The following TRIM44 variants were observed in gnomAD, a reference collection of about 807,000 sequenced individuals.
TRIM44 encodes tripartite motif-containing protein 44.
A neutral mutation model predicts 37.4 loss-of-function variants in TRIM44; 13 were observed. That is an observed-to-expected ratio of 0.35 (90% confidence interval 0.23 to 0.55). The LOEUF (loss-of-function observed/expected upper bound fraction) is 0.55, where lower values mean the gene tolerates loss of function less well. Among genes scored for constraint, TRIM44 ranks in the 20% least tolerant of loss-of-function variants. The pLI, the probability that TRIM44 is intolerant of heterozygous loss-of-function variation, is 0.89. For synonymous variants in TRIM44, 175 were observed against 157.2 expected, an observed-to-expected ratio of 1.11 and a Z score of -0.85; for missense variants, 426 against 437.2, an observed-to-expected ratio of 0.97 and a Z score of 0.23.
At chr11:35,676,905 T>C (rs2135486547) in intron 1 of TRIM44, among the ~76,000 whole-genome samples, 1 of 152,356 alleles carries the variant, frequency 6.6e-6, no homozygotes, top group South Asian at 2.1e-4. Flanking sequence ...TGTTTTTGTC[T>C]GTTTTTGAAT....
In TRIM44 at chr11:35,807,541, C is replaced by G. The variant is rs1270614935; in HGVS notation, c.*1156C>G. The G allele has an allele frequency of 6.6e-6, 1 of 152,256 alleles. No individual in the cohort carries two copies. The highest frequency in any genetic ancestry group is 1.5e-5 in the Non-Finnish European group (1 of 68,006). The allele number at this position is 152,256 out of a possible 1,614,324, so 9.4% of individuals were successfully genotyped here. ...TCTACTTCCAAATCACAATTTCTTA[C>G]AACCAAGCTTTGTGCTCCCGAGTAA... On this transcript the variant is annotated 3_prime_UTR_variant, in exon 5 of 5. Coordinates refer to ENST00000299413, the MANE Select transcript of TRIM44 (RefSeq NM_017583.6).
chr11:35,784,670 G>A (rs1238332253), intron 4 of TRIM44, among the ~76,000 whole-genome samples: 1 of 152,096 alleles, frequency 6.6e-6, no homozygotes. Flanking sequence ...TAGATTAAGG[G>A]GTTTGGAAAT....
intron 1 of TRIM44, among the ~76,000 whole-genome samples, chr11:35,677,571 A>G (rs1371589471): frequency 6.6e-6 from 1 of 152,136 alleles, no homozygotes; most frequent in Non-Finnish European, 1.5e-5. Flanking sequence ...CTTTCTGCAT[A>G]TTCTTTCATT....
chr11:35,759,573 G>C (rs989344907), intron 4 of TRIM44, among the ~76,000 whole-genome samples: 1 of 152,144 alleles, frequency 6.6e-6, no homozygotes, highest in Admixed American at 6.5e-5. Context: ...GATGAGAGGC[G>C]CTCTGATTTT....
intron 4 of TRIM44, among the ~76,000 whole-genome samples, chr11:35,798,192 CT>C (rs1456471285): frequency 6.6e-6 from 1 of 152,194 alleles, no homozygotes; most frequent in Non-Finnish European, 1.5e-5. Context: ...TTCTGATTAG[CT>C]TTCCACTGAA....
At position 35,764,183 on chromosome 11, in the gene TRIM44, C is replaced by CTT. The variant is rs151319487; in HGVS notation, c.1007+28740_1007+28741dup. On this transcript the variant is annotated intron_variant, in intron 4 of 4. Coordinates refer to ENST00000299413, the MANE Select transcript of TRIM44 (RefSeq NM_017583.6). ...AGAGTCTGGCAATCATTTGGTCCCT[C>CTT]TTTGTTGTACAGAGTTAATGTGTTA... is the stretch of plus-strand genomic sequence containing the variant. Among the ~76,000 whole-genome samples, 305 of 152,284 alleles carry CTT rather than the reference C, an allele frequency of 2.0e-3. 1 individual carries two copies. The highest frequency in any genetic ancestry group is 7.1e-3 in the African/African-American group (294 of 41,550).
At chr11:35,718,663 TA>T (rs1169348505) in intron 2 of TRIM44, among the ~76,000 whole-genome samples, 3 of 152,166 alleles carry the variant, frequency 2.0e-5, no homozygotes, top group African/African-American at 7.2e-5. Flanking sequence ...TATATACCAT[TA>T]AAATATCATA....
intron 2 of TRIM44, among the ~76,000 whole-genome samples, chr11:35,717,589 ATTAAACTCT>A (rs1852053340): frequency 1.3e-5 from 2 of 152,196 alleles, no homozygotes. Flanking sequence ...CTCTGCGTGC[ATTAAACTCT>A]TTCTCTATTG....
At chr11:35,741,759 C>T (rs925179195) in intron 4 of TRIM44, among the ~76,000 whole-genome samples, 2 of 152,162 alleles carry the variant, frequency 1.3e-5, no homozygotes, top group African/African-American at 4.8e-5. Context: ...TCTCAGACAA[C>T]AAAGATTGCA....
intron 1 of TRIM44, among the ~76,000 whole-genome samples, chr11:35,671,367 TA>T (rs1445273440): frequency 6.6e-6 from 1 of 152,222 alleles, no homozygotes; most frequent in African/African-American, 2.4e-5. Flanking sequence ...TGATAAGAAA[TA>T]AAATAGAACT....
intron 4 of TRIM44, among the ~76,000 whole-genome samples, chr11:35,786,937 C>T (rs141187902): frequency 1.3e-5 from 2 of 152,230 alleles, no homozygotes; most frequent in Admixed American, 6.5e-5. Flanking sequence ...GGTGGGCTGA[C>T]GCTTTCCCTT....
In TRIM44 at chr11:35,779,956, T is replaced by C. The variant is rs535674033; in HGVS notation, c.1008-26402T>C. Among the ~76,000 whole-genome samples the C allele has an allele frequency of 5.9e-5, 9 of 151,874 alleles. No individual in the cohort carries two copies. In the South Asian group the frequency reaches 1.9e-3, roughly 32 times the overall value. On this transcript the variant is annotated intron_variant, in intron 4 of 4. Coordinates refer to ENST00000299413, the MANE Select transcript of TRIM44 (RefSeq NM_017583.6). Reference sequence around the variant, plus strand: ...TTTCTGGGTTCTCTATTCTGTTCCATTGATCGGTATGTCTGTTTCAGTATC... The same window carrying C: ...TTTCTGGGTTCTCTATTCTGTTCCACTGATCGGTATGTCTGTTTCAGTATC...
chr11:35,712,185 G>A (rs1851982863), intron 2 of TRIM44, among the ~76,000 whole-genome samples: 1 of 152,134 alleles, frequency 6.6e-6, no homozygotes, highest in Non-Finnish European at 1.5e-5. Context: ...TATCTGCCTT[G>A]GGAGTGTGTA....
At chr11:35,670,094 A>G (rs1183858453) in intron 1 of TRIM44, among the ~76,000 whole-genome samples, 1 of 152,184 alleles carries the variant, frequency 6.6e-6, no homozygotes, top group Admixed American at 6.5e-5. Context: ...AAGTGCTGGG[A>G]TTACAGGTGT....
At chr11:35,735,356 A>G in intron 3 of TRIM44, 70 bp from the exon 4 acceptor site, 2 of 1,555,702 alleles carry the variant, frequency 1.3e-6, no homozygotes, top group South Asian at 2.2e-5. Context: ...GGGGAGGGAA[A>G]AGAAAGAAAT....
Position 35,726,164 on chromosome 11 carries a change from G to A in TRIM44, c.987+1G>A, listed in dbSNP as rs1295465667. 1 of 1,613,252 alleles carries A rather than the reference G, an allele frequency of 6.2e-7. No individual in the cohort carries two copies. Among genetic ancestry groups the A allele is most frequent in the South Asian group, 1.1e-5 (1 of 90,980 alleles). On this transcript the variant is annotated splice_donor_variant, in intron 3 of 4. Transcript: ENST00000299413. LOFTEE classifies it high-confidence loss of function. The stretch of plus-strand genomic sequence containing the variant: ...TGAATCAGCTGAGCCAAAGGCAGAG[G>A]TAAAGGAAAAGCCCATAATTATTAG...
At chr11:35,769,839 C>T (rs951780375) in intron 4 of TRIM44, among the ~76,000 whole-genome samples, 3 of 152,192 alleles carry the variant, frequency 2.0e-5, no homozygotes, top group Non-Finnish European at 2.9e-5. Flanking sequence ...AGACAAATAA[C>T]TGCAATGGAT....
At chr11:35,790,864 CA>C (rs1364832114) in intron 4 of TRIM44, among the ~76,000 whole-genome samples, 4 of 152,106 alleles carry the variant, frequency 2.6e-5, no homozygotes, top group Non-Finnish European at 5.9e-5. Flanking sequence ...ACTAAAAGGG[CA>C]GGGGTAGAAC....
At chr11:35,726,590 G>T (rs1305213836) in intron 3 of TRIM44, among the ~76,000 whole-genome samples, 1 of 151,876 alleles carries the variant, frequency 6.6e-6, no homozygotes, top group African/African-American at 2.4e-5. Flanking sequence ...GTGAAAAGGT[G>T]TCTCAAGCTG....
Sources: gnomAD v4.1 joint callset for allele counts (sites outside exome capture counted in the v4.1 genomes callset) on GRCh38, gnomAD v4.1.1 for gene constraint, MANE v1.5 for transcripts, NCBI Gene and HGNC (gene_info 2026-07-23, HGNC 2026-07-21) for gene names.